The following TRDN variants were observed in gnomAD, a reference collection of about 807,000 sequenced individuals.
The protein encoded by TRDN is triadin.
Under a neutral mutation model 149.7 loss-of-function variants are expected in TRDN, and 161 were observed. The ratio of observed to expected loss-of-function variants is 1.08; its 90% CI spans 0.95 to 1.23. The LOEUF is 1.23. Ranked by LOEUF, TRDN falls within the 50% of genes most tolerant of loss-of-function variation. The probability of loss-of-function intolerance (pLI) is 0.00; values close to 1 mark genes in which losing one functional copy is unlikely to be tolerated. For synonymous variants in TRDN, 294 were observed against 250.5 expected (o/e 1.17, Z -1.64); for missense variants, 896 against 823.5 (o/e 1.09, Z -1.08).
At chr6:123,440,317 G>A (rs1187200699) in intron 10 of TRDN, among the ~76,000 whole-genome samples, 1 of 152,136 alleles carries the variant, frequency 6.6e-6, no homozygotes, top group African/African-American at 2.4e-5. Context: ...AGAAAGTCAA[G>A]AAGTCAAATT....
chr6:123,409,799 T>C (rs1291626279), intron 12 of TRDN, among the ~76,000 whole-genome samples: 4 of 152,000 alleles, frequency 2.6e-5, no homozygotes, highest in African/African-American at 4.8e-5. Context: ...TTTATGAAAT[T>C]CATTGAAACA....
At chr6:123,635,091 C>T (rs930193905) in intron 1 of TRDN, among the ~76,000 whole-genome samples, 1 of 151,872 alleles carries the variant, frequency 6.6e-6, no homozygotes, top group African/African-American at 2.4e-5. Flanking sequence ...CACCTGGGAG[C>T]CCAAACCCTG....
At chr6:123,474,410 A>T (rs1293927138) in intron 9 of TRDN, among the ~76,000 whole-genome samples, 1 of 152,166 alleles carries the variant, frequency 6.6e-6, no homozygotes, top group Non-Finnish European at 1.5e-5. Flanking sequence ...ATACAGGAGT[A>T]CCAAGATTCA....
intron 1 of TRDN, among the ~76,000 whole-genome samples, chr6:123,616,389 T>G (rs967512768): frequency 6.2e-5 from 9 of 145,964 alleles, no homozygotes; most frequent in Non-Finnish European, 1.2e-4. Context: ...TAAAGCAGGT[T>G]TGCAAAAAAA....
intron 1 of TRDN, among the ~76,000 whole-genome samples, chr6:123,593,363 C>A (rs983233216): frequency 6.6e-6 from 1 of 152,126 alleles, no homozygotes; most frequent in African/African-American, 2.4e-5. Context: ...TAGGGCTTAA[C>A]AAAACTTAAC....
At chr6:123,220,702 A>G (rs1775115457) in intron 40 of TRDN, among the ~76,000 whole-genome samples, 1 of 151,762 alleles carries the variant, frequency 6.6e-6, no homozygotes, top group South Asian at 2.1e-4. Context: ...TGTAAGGGGC[A>G]CTTTAGTAAT....
intron 36 of TRDN, 57 bp from the exon 37 acceptor site, chr6:123,255,182 A>T (rs1014943585): frequency 2.3e-6 from 2 of 863,534 alleles, no homozygotes; most frequent in East Asian, 2.9e-5. Context: ...ATTTCCATCA[A>T]AATTTTGTCT....
At chr6:123,330,369 T>G (rs995807021) in intron 23 of TRDN, among the ~76,000 whole-genome samples, 2 of 152,046 alleles carry the variant, frequency 1.3e-5, no homozygotes, top group Non-Finnish European at 2.9e-5. Flanking sequence ...AAGTCCAGGA[T>G]ATTTTTCTTA....
At chr6:123,591,765 C>T (rs1362224759) in intron 1 of TRDN, among the ~76,000 whole-genome samples, 1 of 152,106 alleles carries the variant, frequency 6.6e-6, no homozygotes, top group East Asian at 1.9e-4. Context: ...CTGTGCCTTT[C>T]AAAGGACTTT....
In TRDN at chr6:123,543,402, A is replaced by G. The variant is rs117516032; in HGVS notation, c.424+3938T>C. Among the ~76,000 whole-genome samples, 513 of 152,328 alleles carry G rather than the reference A, an allele frequency of 3.4e-3. 12 individuals are homozygous for G. The East Asian group carries it at 0.043, about 13-fold the overall frequency. On this transcript the variant is annotated intron_variant, in intron 4 of 40. Coordinates refer to ENST00000334268, the MANE Select transcript of TRDN (RefSeq NM_006073.4). The stretch of plus-strand genomic sequence containing the variant: ...TTGAAAAAGATTAATTGAAAAAAAT[A>G]CATTTGTTGATTGAGTTTAATCCCA...
intron 24 of TRDN, among the ~76,000 whole-genome samples, chr6:123,290,576 T>C (rs983412065): frequency 6.6e-6 from 1 of 152,142 alleles, no homozygotes; most frequent in Non-Finnish European, 1.5e-5. Flanking sequence ...GTGGTCTAGA[T>C]AAAACTGTTA....
chr6:123,259,763 G>C, intron 34 of TRDN, 101 bp from the exon 35 acceptor site: 1 of 783,348 alleles, frequency 1.3e-6, no homozygotes, highest in Non-Finnish European at 2.0e-6. Context: ...AATCTTATGA[G>C]TGGAGGGAGT....
At chr6:123,333,148 G>T (rs1223368878) in intron 22 of TRDN, among the ~76,000 whole-genome samples, 1 of 152,002 alleles carries the variant, frequency 6.6e-6, no homozygotes, top group Non-Finnish European at 1.5e-5. Flanking sequence ...GTAATTTACT[G>T]CTCTTGCACT....
chr6:123,464,567 C>A (rs538051262), intron 10 of TRDN: 1 of 1,023,832 alleles, frequency 9.8e-7, no homozygotes, highest in African/African-American at 1.7e-5. Flanking sequence ...GCACCAGCCT[C>A]TTCAGAGACT....
chr6:123,389,451 G>A, intron 13 of TRDN: 1 of 152,222 alleles, frequency 6.6e-6, no homozygotes, highest in East Asian at 1.9e-4. Context: ...TTTGCTCTGT[G>A]CTACAATTGC....
intron 21 of TRDN, chr6:123,350,386 T>C (rs1240116893): frequency 1.2e-6 from 1 of 868,036 alleles, no homozygotes. Context: ...ACAAAAATCA[T>C]ATAATTTTTC....
At chr6:123,325,422 A>G (rs1044923090) in intron 23 of TRDN, among the ~76,000 whole-genome samples, 1 of 152,164 alleles carries the variant, frequency 6.6e-6, no homozygotes. Context: ...TTCTAGACCC[A>G]GTATTAGACT....
intron 16 of TRDN, among the ~76,000 whole-genome samples, chr6:123,380,663 A>G (rs1390898928): frequency 1.3e-5 from 2 of 150,658 alleles, no homozygotes; most frequent in African/African-American, 4.9e-5. Flanking sequence ...CTTAAAATCT[A>G]TATTGCTGGT....
intron 1 of TRDN, among the ~76,000 whole-genome samples, chr6:123,608,390 T>G (rs2114670678): frequency 6.6e-6 from 1 of 152,322 alleles, no homozygotes; most frequent in Admixed American, 6.5e-5. Flanking sequence ...CCAATTTCAC[T>G]TTAGCCTTCT....
Sources: allele counts gnomAD v4.1 joint callset (sites outside exome capture counted in the v4.1 genomes callset), GRCh38; gene constraint gnomAD v4.1.1; transcripts MANE v1.5; gene names NCBI Gene and HGNC (gene_info 2026-07-23, HGNC 2026-07-21).